MED13: variants seen among roughly 807,000 people sequenced by gnomAD.
The protein encoded by MED13 is mediator complex subunit 13.
MED13 carries 23 observed loss-of-function variants against 225.2 expected under a neutral mutation model. That is an observed-to-expected ratio of 0.10 (90% CI 0.07 to 0.14). The LOEUF is 0.14. Ranked by LOEUF, MED13 falls within the 10% of genes least tolerant of loss-of-function variation. The pLI is 1.00. For missense variants in MED13, 2,197 were observed against 2,594.5 expected (o/e 0.85, Z 3.33); for synonymous variants, 942 against 889.2 (o/e 1.06, Z -1.06).
At chr17:61,960,216 G>A (rs889014875) in intron 23 of MED13, among the ~76,000 whole-genome samples, 5 of 151,932 alleles carry the variant, frequency 3.3e-5, no homozygotes, top group African/African-American at 7.3e-5. Context: ...ATAACTGGGC[G>A]TGATATTTAC....
intron 3 of MED13, among the ~76,000 whole-genome samples, chr17:62,046,570 T>C (rs1182513505): frequency 2.0e-5 from 3 of 152,232 alleles, no homozygotes; most frequent in Non-Finnish European, 4.4e-5. Context: ...CCAGGTACAC[T>C]GGCTCATGCC....
chr17:61,983,828 A>C (rs777022562), intron 15 of MED13, among the ~76,000 whole-genome samples: 1 of 151,002 alleles, frequency 6.6e-6, no homozygotes, highest in Non-Finnish European at 1.5e-5. Context: ...TCCCAGGTTC[A>C]AGCCATTCTT....
intron 28 of MED13, among the ~76,000 whole-genome samples, chr17:61,949,236 TTTTG>T (rs1210326433): frequency 2.0e-5 from 3 of 152,116 alleles, no homozygotes; most frequent in African/African-American, 4.8e-5. Flanking sequence ...ACAAATTCGG[TTTTG>T]TTTTTTTGAG....
intron 8 of MED13, among the ~76,000 whole-genome samples, chr17:62,013,821 A>C (rs1042993257): frequency 6.6e-6 from 1 of 152,140 alleles, no homozygotes; most frequent in Non-Finnish European, 1.5e-5. Flanking sequence ...TAGGTGGATC[A>C]TGAAGTCAGG....
chr17:62,049,817 C>G (rs1259670352), intron 3 of MED13, among the ~76,000 whole-genome samples: 2 of 151,084 alleles, frequency 1.3e-5, no homozygotes, highest in Admixed American at 1.3e-4. Flanking sequence ...GTAGTCCCAG[C>G]TACTCGGGAG....
Position 62,010,908 on chromosome 17 carries a change from T to G in MED13, c.1609A>C (p.Ser537Arg). 11 of 1,613,176 alleles carry G rather than the reference T, an allele frequency of 6.8e-6. No individual in the cohort carries two copies. Among genetic ancestry groups the G allele is most frequent in the Non-Finnish European group, 9.3e-6 (11 of 1,179,192 alleles). The change falls in exon 9 of 30, where the codon AGT becomes CGT. Residue 537 changes from serine (S) to arginine (R), a missense_variant. This residue lies in a region of MED13 where 884 missense variants were observed against 918.5 expected (regional missense o/e 0.96). Coordinates refer to ENST00000397786, the MANE Select transcript of MED13 (RefSeq NM_005121.3). ...TCAACCACATCACAAGGGTGAGGAC[T>G]AAGTGGGGGTGGTTGAGGTGAATTT... The part of the protein sequence containing the change: ...MANSPQPPPL[S>R]PHPCDVVDEG...
At chr17:62,049,490 G>C (rs974069401) in intron 3 of MED13, among the ~76,000 whole-genome samples, 4 of 152,084 alleles carry the variant, frequency 2.6e-5, no homozygotes, top group African/African-American at 9.7e-5. Flanking sequence ...ATCTATCAAT[G>C]AATGAGCATG....
In MED13 at chr17:61,942,892, C is replaced by T. The variant is rs1004334667; in HGVS notation, c.*3576G>A. On this transcript the variant is annotated 3_prime_UTR_variant, in exon 30 of 30. Transcript: ENST00000397786. The stretch of plus-strand genomic sequence containing the variant: ...TTGATGCTGACATGTCCAGTAATGA[C>T]GTTACAATTTGTAGCTTAAACTCAA... The T allele has an allele frequency of 1.2e-4, 18 of 152,456 alleles. No individual in the cohort carries two copies. Among genetic ancestry groups the T allele is most frequent in the African/African-American group, 4.3e-4 (18 of 41,400 alleles). The allele number at this position is 152,456 out of a possible 1,614,324, so 9.4% of individuals were successfully genotyped here.
intron 2 of MED13, among the ~76,000 whole-genome samples, chr17:62,055,424 A>C (rs2080989180): frequency 6.6e-6 from 1 of 152,178 alleles, no homozygotes; most frequent in Admixed American, 6.5e-5. Context: ...GCAATAGTAA[A>C]AGCTAAAGCA....
chr17:61,948,128 T>C lies in MED13; in HGVS notation c.6292-1111A>G, dbSNP rs1366148887. Reference sequence around the variant, plus strand: ...TCTATTCCTATGATAAAAAGGGATCTAGCTAACAACCCATTATATTTCCAA... The same window carrying C: ...TCTATTCCTATGATAAAAAGGGATCCAGCTAACAACCCATTATATTTCCAA... On this transcript the variant is annotated intron_variant, in intron 28 of 29. Coordinates refer to ENST00000397786, the MANE Select transcript of MED13 (RefSeq NM_005121.3). 2.0e-5 allele frequency among the ~76,000 whole-genome samples: 3 copies of C among 152,208 alleles called. No individual in the cohort carries two copies. The East Asian group carries it at 5.8e-4, about 29-fold the overall frequency.
chr17:62,050,730 G>A (rs761887770), intron 3 of MED13, among the ~76,000 whole-genome samples: 4 of 152,258 alleles, frequency 2.6e-5, no homozygotes, highest in Middle Eastern at 3.4e-3. Flanking sequence ...CTGGCTGGGA[G>A]CAGTGGCTCA....
In MED13 at chr17:61,960,950, A is replaced by C. The variant is rs192525280; in HGVS notation, c.5397T>G (p.Asp1799Glu). ...TGCAAGATGCAAGAATCCACCTTTG[A>C]TCATGTGATAAACAGTATCCCACAA... is the stretch of plus-strand genomic sequence containing the variant. Reference protein sequence around the residue: ...VLFVGYCLSHDQRWILASCTD... With the variant: ...VLFVGYCLSHEQRWILASCTD... Residue 1799 changes from aspartate to glutamate, a missense_variant, in exon 23 of 30, where the codon GAT becomes GAG. Physicochemically the swap from Asp to Glu is conservative, Grantham distance 45. Around this residue, in one of 12 missense-constraint regions of MED13, gnomAD observed 78 missense variants for 82.1 expected, o/e 0.95. Coordinates refer to ENST00000397786, the MANE Select transcript of MED13 (RefSeq NM_005121.3). The C allele has an allele frequency of 1.2e-6, 2 of 1,613,832 alleles. No homozygotes were observed. Among genetic ancestry groups the C allele is most frequent in the Non-Finnish European group, 8.5e-7 (1 of 1,179,966 alleles).
chr17:62,031,567 C>A lies in MED13; in HGVS notation c.886G>T (p.Val296Leu). The change falls in exon 6 of 30, where the codon GTG becomes TTG. Residue 296 changes from valine to leucine, a missense_variant. This residue lies in a region of MED13 where 884 missense variants were observed against 918.5 expected (regional missense o/e 0.96). Coordinates refer to ENST00000397786, the MANE Select transcript of MED13 (RefSeq NM_005121.3). ...PQSDIPTPSP[V>L]GSTHCSSSCL... is the part of the protein sequence containing the mutation. ...GAAGATGAACAGTGAGTGGATCCCA[C>A]AGGGCTAGGAGTAGGAATGTCTGAC... The A allele has an allele frequency of 1.2e-6, 2 of 1,613,720 alleles. No homozygotes were observed. Among genetic ancestry groups the A allele is most frequent in the Non-Finnish European group, 1.7e-6 (2 of 1,179,894 alleles).
At chr17:62,049,773 A>G (rs948431675) in intron 3 of MED13, among the ~76,000 whole-genome samples, 3 of 151,888 alleles carry the variant, frequency 2.0e-5, no homozygotes, top group Non-Finnish European at 4.4e-5. Flanking sequence ...TACTAAAAAT[A>G]CAAAAAATTA....
At chr17:62,020,092 T>TA (rs896504660) in intron 8 of MED13, among the ~76,000 whole-genome samples, 20 of 151,966 alleles carry the variant, frequency 1.3e-4, no homozygotes, top group Middle Eastern at 3.4e-3. Context: ...GCAATCTTTG[T>TA]AAAAAAAAGA....
rs1487354414 is a variant in MED13, at chr17:62,023,824, A to G, written c.1283+5717T>C. Among the ~76,000 whole-genome samples the G allele has an allele frequency of 2.0e-5, 3 of 152,340 alleles. No homozygotes were observed. The East Asian group carries it at 5.8e-4, about 29-fold the overall frequency. On this transcript the variant is annotated intron_variant, in intron 8 of 29. Transcript: ENST00000397786. ...TATCTGTCTTACCTTCACTTAAGAA[A>G]TAAGCTAGATTTGTGGTGGGCAGAA... is the stretch of plus-strand genomic sequence containing the variant.
chr17:61,999,079 C>A (rs1200271381), intron 9 of MED13, among the ~76,000 whole-genome samples: 3 of 151,858 alleles, frequency 2.0e-5, no homozygotes, highest in Non-Finnish European at 2.9e-5. Context: ...ACAGAAAAAT[C>A]AAAACAAGTT....
At position 62,034,486 on chromosome 17, in the gene MED13, CAAAAA is replaced by C. The variant is rs11291859; in HGVS notation, c.617-507_617-503del. Reference sequence around the variant, plus strand: ...TGGGCAACAGAGGGAGACTTCATCTCAAAAAAAAAAAAAAAAAAAATTGTCTGCCC... The same window carrying C: ...TGGGCAACAGAGGGAGACTTCATCTCAAAAAAAAAAAAAAATTGTCTGCCC... On this transcript the variant is annotated intron_variant, in intron 4 of 29. Coordinates refer to ENST00000397786, the MANE Select transcript of MED13 (RefSeq NM_005121.3). 8.2e-3 allele frequency among the ~76,000 whole-genome samples: 787 copies of C among 96,354 alleles called. 22 individuals carry two copies. The highest frequency in any genetic ancestry group is 0.075 in the Admixed American group (737 of 9,878). The allele number at this position is 96,354 out of a possible 152,430, so 63.2% of individuals were successfully genotyped here.
chr17:61,976,926 C>T (rs961350671), intron 16 of MED13, among the ~76,000 whole-genome samples: 3 of 151,932 alleles, frequency 2.0e-5, no homozygotes, highest in Non-Finnish European at 2.9e-5. Flanking sequence ...AGTGAGACTC[C>T]GTCTCAAAAA....
Sources: allele counts gnomAD v4.1 joint callset (sites outside exome capture counted in the v4.1 genomes callset), GRCh38; gene constraint gnomAD v4.1.1; regional missense constraint gnomAD v4.1.1; transcripts MANE v1.5; gene names NCBI Gene and HGNC (gene_info 2026-07-23, HGNC 2026-07-21).